LAMA5: variants seen among roughly 807,000 people sequenced by gnomAD.
LAMA5 encodes the protein laminin subunit alpha 5, also known as laminin subunit alpha-5.
A neutral mutation model predicts 433.4 loss-of-function variants in LAMA5; 260 were observed. The ratio of observed to expected loss-of-function variants is 0.60; its 90% CI spans 0.54 to 0.66. The LOEUF (loss-of-function observed/expected upper bound fraction) is 0.66. Among genes scored for constraint, LAMA5 ranks in the 30% least tolerant of loss-of-function variants. The probability of loss-of-function intolerance (pLI) is 0.00; values close to 1 mark genes in which losing one functional copy is unlikely to be tolerated. For missense variants in LAMA5, 5,378 were observed against 5,258.5 expected, an observed-to-expected ratio of 1.02 and a Z score of -0.70; for synonymous variants, 2,620 against 2,226.6, an observed-to-expected ratio of 1.18 and a Z score of -4.97.
At position 62,346,737 on chromosome 20, in the gene LAMA5, G is replaced by C. The variant is rs1983436676; in HGVS notation, c.1136C>G (p.Ala379Gly). 6.2e-7 allele frequency: 1 copy of C among 1,613,090 alleles called. No individual in the cohort carries two copies. Among genetic ancestry groups the C allele is most frequent in the Non-Finnish European group, 8.5e-7 (1 of 1,179,940 alleles). Reference protein sequence around the residue: ...YYDPEVDRRRASQSLDGTYQG... With the variant: ...YYDPEVDRRRGSQSLDGTYQG... ...ATAGGTGCCATCCAGGCTCTGGCTG[G>C]CGCGGCGCCGGTCCACCTCAGGGTC... Residue 379 changes from alanine to glycine, a missense_variant, in exon 8 of 80, where the codon GCC (alanine) becomes GGC (glycine). Transcript: ENST00000252999.
At chr20:62,321,130 G>T (rs1450688762) in intron 48 of LAMA5, among the ~76,000 whole-genome samples, 1 of 148,394 alleles carries the variant, frequency 6.7e-6, no homozygotes, top group Non-Finnish European at 1.5e-5. Flanking sequence ...CAGCACAAGG[G>T]GTTGGGGCCG....
intron 31 of LAMA5, 43 bp from the exon 32 acceptor site, chr20:62,329,959 G>T: frequency 6.3e-7 from 1 of 1,597,230 alleles, no homozygotes; most frequent in South Asian, 1.1e-5. Context: ...CATCTCTAGC[G>T]CCCCCAAGAC....
At chr20:62,360,014 C>T (rs200917710) in intron 2 of LAMA5, among the ~76,000 whole-genome samples, 20 of 150,652 alleles carry the variant, frequency 1.3e-4, no homozygotes, top group South Asian at 8.4e-4. Flanking sequence ...GGGGAGTGCC[C>T]GGACCCACCC....
chr20:62,367,057 G>A lies in LAMA5; in HGVS notation c.189C>T (p.Thr63=). ...AEGARIAASA[T]CGEEAPARGS... Reference sequence around the variant, plus strand: ...CGCGCGCCGGGGCCTCCTCTCCGCAGGTCGCGGAGGCGGCGATGCGGGCGC... The same window carrying A: ...CGCGCGCCGGGGCCTCCTCTCCGCAAGTCGCGGAGGCGGCGATGCGGGCGC... Residue 63 remains threonine, a synonymous_variant, in exon 1 of 80, where the codon ACC becomes ACT. Coordinates refer to ENST00000252999, the MANE Select transcript of LAMA5 (RefSeq NM_005560.6). The A allele has an allele frequency of 2.4e-6, 3 of 1,265,670 alleles. No homozygotes were observed. Among genetic ancestry groups the A allele is most frequent in the South Asian group, 3.1e-5 (1 of 32,498 alleles). The allele number at this position is 1,265,670 out of a possible 1,614,324, so 78.4% of individuals were successfully genotyped here.
At position 62,342,195 on chromosome 20, in the gene LAMA5, C is replaced by T. The variant is rs763442978; in HGVS notation, c.1478-3587G>A. The stretch of plus-strand genomic sequence containing the variant: ...GCAGGTGCCTGTAATCCCAGCTACT[C>T]GGGAGACTGAGGCAGGAGAATCGCT... On this transcript the variant is annotated intron_variant, in intron 11 of 79. Transcript: ENST00000252999. 9.7e-5 allele frequency: 23 copies of T among 238,116 alleles called. No individual in the cohort carries two copies. The Middle Eastern group carries it at 5.4e-3, about 56-fold the overall frequency. 14.8% of individuals were successfully genotyped at this position (238,116 alleles called of 1,614,324 possible).
intron 26 of LAMA5, among the ~76,000 whole-genome samples, 176 bp from the exon 27 acceptor site, chr20:62,332,893 A>G (rs1400206275): frequency 1.8e-5 from 2 of 110,060 alleles, no homozygotes; most frequent in Admixed American, 9.2e-5. Flanking sequence ...GCCACAGCCA[A>G]TCCTACATAC....
chr20:62,353,554 T>C (rs1208349319), intron 2 of LAMA5, among the ~76,000 whole-genome samples: 1 of 152,190 alleles, frequency 6.6e-6, no homozygotes, highest in Non-Finnish European at 1.5e-5. Context: ...CCCATGGTCC[T>C]GCAAGCTCTG....
chr20:62,346,647 G>A, intron 8 of LAMA5, 35 bp downstream of exon 8: 1 of 1,610,198 alleles, frequency 6.2e-7, no homozygotes, highest in Non-Finnish European at 8.5e-7. Flanking sequence ...CCCACCTCAG[G>A]GCCAGCCCAT....
intron 41 of LAMA5, 32 bp downstream of exon 41, chr20:62,325,284 C>T (rs192601066): frequency 6.2e-5 from 90 of 1,441,698 alleles, no homozygotes; most frequent in Non-Finnish European, 7.4e-5. Flanking sequence ...ACAGGTGAGC[C>T]GCCTCGCAGT....
intron 11 of LAMA5, chr20:62,342,351 A>C (rs1982730895): frequency 2.7e-5 from 9 of 337,594 alleles, no homozygotes; most frequent in Non-Finnish European, 5.2e-5. Context: ...CACAGAATAC[A>C]TTAAAACCTT....
chr20:62,323,968 G>T, intron 43 of LAMA5, 112 bp from the exon 44 acceptor site: 1 of 1,422,982 alleles, frequency 7.0e-7, no homozygotes, highest in South Asian at 1.4e-5. Flanking sequence ...CAGACCTCAC[G>T]GACACCTCCA....
intron 11 of LAMA5, among the ~76,000 whole-genome samples, chr20:62,343,117 C>T (rs746006274): frequency 3.3e-5 from 5 of 152,240 alleles, no homozygotes; most frequent in South Asian, 2.1e-4. Context: ...CATGAATACG[C>T]GTTCTATGGC....
At chr20:62,365,955 G>T (rs1036429396) in intron 1 of LAMA5, among the ~76,000 whole-genome samples, 1 of 152,142 alleles carries the variant, frequency 6.6e-6, no homozygotes, top group Non-Finnish European at 1.5e-5. Flanking sequence ...TCCCCATAAC[G>T]TCTTGCTCCA....
intron 28 of LAMA5, among the ~76,000 whole-genome samples, 158 bp downstream of exon 28, chr20:62,332,214 T>C (rs1980598051): frequency 6.6e-6 from 1 of 152,078 alleles, no homozygotes; most frequent in African/African-American, 2.4e-5. Context: ...ACAAAACGCT[T>C]GCAGGAGGGG....
intron 2 of LAMA5, among the ~76,000 whole-genome samples, chr20:62,355,065 T>C (rs1001822211): frequency 6.6e-6 from 1 of 152,174 alleles, no homozygotes; most frequent in African/African-American, 2.4e-5. Context: ...ATGGAGACCT[T>C]GGGAGACCTC....
At chr20:62,326,220 AAAAC>A (rs1433370443) in intron 40 of LAMA5, among the ~76,000 whole-genome samples, 1 of 77,310 alleles carries the variant, frequency 1.3e-5, no homozygotes, top group African/African-American at 3.6e-5. Context: ...ACTGTCTCAA[AAAAC>A]AAACAAACAA....
At position 62,312,020 on chromosome 20, in the gene LAMA5, C is replaced by G. The variant is rs144153064; in HGVS notation, c.9535G>C (p.Gly3179Arg). Residue 3179 changes from glycine (G) to arginine (R), a missense_variant, in exon 70 of 80, where the codon GGC becomes CGC. Transcript: ENST00000252999. ...DGLCQVSLQQ[G>R]RVSLQLLRTE... is the part of the protein sequence containing the mutation. ...CTCAGGAGCTGTAGGCTCACACGGC[C>G]CTGCTGCAGGGACACCTGGCATAGC... The G allele has an allele frequency of 8.4e-5, 136 of 1,612,514 alleles. No homozygotes were observed. Among genetic ancestry groups the G allele is most frequent in the Non-Finnish European group, 1.0e-4 (122 of 1,179,890 alleles).
At position 62,316,022 on chromosome 20, in the gene LAMA5, C is replaced by T. The variant is rs770452578; in HGVS notation, c.7793G>A (p.Arg2598Gln). ...CTGGTCCTTCTTGGCCCGGACATCT[C>T]GGAGCTGGGTCCTGGCACCCTGGAG... ...AALQGARTQL[R>Q]DVRAKKDQLE... Residue 2598 changes from arginine (R) to glutamine (Q), a missense_variant, in exon 58 of 80, where the codon CGA becomes CAA. Coordinates refer to ENST00000252999, the MANE Select transcript of LAMA5 (RefSeq NM_005560.6). The T allele has an allele frequency of 1.3e-4, 210 of 1,609,604 alleles. 1 individual carries two copies. The South Asian group carries it at 2.0e-3, about 15-fold the overall frequency.
At position 62,367,198 on chromosome 20, in the gene LAMA5, G is replaced by C; in HGVS notation, c.48C>G (p.Pro16=). The C allele has an allele frequency of 4.1e-6, 5 of 1,221,012 alleles. No homozygotes were observed. Among genetic ancestry groups the C allele is most frequent in the Non-Finnish European group, 5.1e-6 (5 of 982,752 alleles). The allele number at this position is 1,221,012 out of a possible 1,614,324, so 75.6% of individuals were successfully genotyped here. A position where few individuals can be genotyped will look rare whatever the true frequency, so the allele number is the denominator to read the frequency against. ...CAGSALCVRG[P]RGPAPLLLVG... The stretch of plus-strand genomic sequence containing the variant: ...CCAGCAGCAGCGGCGCGGGGCCCCG[G>C]GGGCCGCGAACACACAGTGCGCTCC... Residue 16 remains proline, a synonymous_variant, in exon 1 of 80, where the codon CCC becomes CCG. Transcript: ENST00000252999.
Sources: gnomAD v4.1 joint callset for allele counts (sites outside exome capture counted in the v4.1 genomes callset) on GRCh38, gnomAD v4.1.1 for gene constraint, MANE v1.5 for transcripts, NCBI Gene and HGNC (gene_info 2026-07-23, HGNC 2026-07-21) for gene names.